PLPPR1: variants seen among roughly 807,000 people sequenced by gnomAD.
The protein encoded by PLPPR1 is phospholipid phosphatase-related protein type 1.
In PLPPR1, 10 loss-of-function variants were observed where a neutral mutation model predicts 33.1. The observed-to-expected ratio is 0.30, with a 90% CI of 0.19 to 0.51. PLPPR1 has a LOEUF of 0.51. Ranked by LOEUF, PLPPR1 falls within the 20% of genes least tolerant of loss-of-function variation. PLPPR1 has a pLI of 0.97. For synonymous variants in PLPPR1, 151 were observed against 151.0 expected (o/e 1.00, Z 0.00); for missense variants, 304 against 408.1 (o/e 0.74, Z 2.20).
At chr9:101,115,606 A>G (rs1831109318) in intron 1 of PLPPR1, among the ~76,000 whole-genome samples, 1 of 152,344 alleles carries the variant, frequency 6.6e-6, no homozygotes, top group East Asian at 1.9e-4. Flanking sequence ...ATATTGCATA[A>G]TAGCCTTTTT....
At chr9:101,210,192 A>T (rs1346470285) in intron 2 of PLPPR1, among the ~76,000 whole-genome samples, 1 of 152,234 alleles carries the variant, frequency 6.6e-6, no homozygotes, top group Non-Finnish European at 1.5e-5. Flanking sequence ...TGTCATAGCA[A>T]AAGTACTTCT....
intron 2 of PLPPR1, among the ~76,000 whole-genome samples, chr9:101,259,201 A>C (rs1439666002): frequency 6.6e-6 from 1 of 152,196 alleles, no homozygotes; most frequent in South Asian, 2.1e-4. Flanking sequence ...TTCTTCAAGG[A>C]GTGGCCAAGT....
At chr9:101,305,566 A>G (rs7864791) in intron 4 of PLPPR1, among the ~76,000 whole-genome samples, 1 of 151,994 alleles carries the variant, frequency 6.6e-6, no homozygotes. Context: ...CACCCCACCA[A>G]CCTCTGCTAA....
At chr9:101,121,704 A>C (rs1304847625) in intron 1 of PLPPR1, among the ~76,000 whole-genome samples, 1 of 152,158 alleles carries the variant, frequency 6.6e-6, no homozygotes, top group Non-Finnish European at 1.5e-5. Context: ...AGAAGGCAAA[A>C]AATAAGTGAT....
chr9:101,083,726 A>T (rs893559956), intron 1 of PLPPR1, among the ~76,000 whole-genome samples: 7 of 152,260 alleles, frequency 4.6e-5, no homozygotes, highest in African/African-American at 1.7e-4. Context: ...AGAAGGCTTG[A>T]TTGAGGAATG....
intron 2 of PLPPR1, among the ~76,000 whole-genome samples, chr9:101,265,337 C>G (rs1449783068): frequency 1.3e-5 from 2 of 152,182 alleles, no homozygotes; most frequent in Non-Finnish European, 2.9e-5. Context: ...CTCCTTACAC[C>G]TTGTTATACT....
At chr9:101,148,418 C>T (rs1411224529) in intron 1 of PLPPR1, among the ~76,000 whole-genome samples, 3 of 152,094 alleles carry the variant, frequency 2.0e-5, no homozygotes, top group East Asian at 1.9e-4. Context: ...AATGTAGATC[C>T]TCCACCACTT....
intron 1 of PLPPR1, among the ~76,000 whole-genome samples, chr9:101,154,374 G>T (rs902406605): frequency 3.9e-5 from 6 of 152,110 alleles, no homozygotes; most frequent in Non-Finnish European, 7.4e-5. Flanking sequence ...ATTAATTATT[G>T]TCTCAATTTC....
At chr9:101,291,407 G>T (rs1463094354) in intron 4 of PLPPR1, among the ~76,000 whole-genome samples, 1 of 152,208 alleles carries the variant, frequency 6.6e-6, no homozygotes, top group Non-Finnish European at 1.5e-5. Context: ...AGACTTAAAT[G>T]TCCCTGTCTG....
chr9:101,092,089 TC>T (rs1342165226), intron 1 of PLPPR1, among the ~76,000 whole-genome samples: 7 of 152,166 alleles, frequency 4.6e-5, no homozygotes, highest in African/African-American at 7.2e-5. Context: ...TTCATCTTCC[TC>T]CAGCACAACA....
intron 1 of PLPPR1, among the ~76,000 whole-genome samples, chr9:101,077,257 T>C (rs768291064): frequency 6.6e-6 from 1 of 152,174 alleles, no homozygotes; most frequent in Non-Finnish European, 1.5e-5. Flanking sequence ...CTAGACAGGA[T>C]TCCTAGGAAT....
chr9:101,035,990 G>A (rs1830005288), intron 1 of PLPPR1, among the ~76,000 whole-genome samples: 1 of 152,128 alleles, frequency 6.6e-6, no homozygotes, highest in Admixed American at 6.5e-5. Flanking sequence ...TGAGGGTGGG[G>A]TGAGAGAAGC....
Position 101,099,048 on chromosome 9 carries a change from T to A in PLPPR1, c.-46+69946T>A, listed in dbSNP as rs1382557737. On this transcript the variant is annotated intron_variant, in intron 1 of 7. Coordinates refer to ENST00000374874, the MANE Select transcript of PLPPR1 (RefSeq NM_207299.2). ...CTTTGACTCTCGGAAAGTCACTCAATCCCTCTAAACCTCAATTTTCTATAA... is the reference window on the plus strand; with the variant it reads ...CTTTGACTCTCGGAAAGTCACTCAAACCCTCTAAACCTCAATTTTCTATAA... Among the ~76,000 whole-genome samples the A allele has an allele frequency of 4.6e-5, 7 of 151,308 alleles. No individual in the cohort carries two copies. In the East Asian group the frequency reaches 1.4e-3, roughly 29 times the overall value.
chr9:101,321,569 G>A lies in PLPPR1; in HGVS notation c.946-2456G>A, dbSNP rs1267419911. On this transcript the variant is annotated intron_variant, in intron 7 of 7. Transcript: ENST00000374874. ...CTTAATTATCCATGTTCTACACCCC[G>A]CCCCACTCACAATGTACATGAGCAA... Among the ~76,000 whole-genome samples the A allele has an allele frequency of 3.9e-5, 6 of 151,926 alleles. No individual in the cohort carries two copies. The East Asian group carries it at 5.8e-4, about 15-fold the overall frequency.
At chr9:101,265,851 C>G (rs1412598843) in intron 2 of PLPPR1, among the ~76,000 whole-genome samples, 2 of 152,112 alleles carry the variant, frequency 1.3e-5, no homozygotes, top group East Asian at 3.9e-4. Flanking sequence ...AAAAAATTAG[C>G]TGGGTGCGGT....
chr9:101,193,878 T>C (rs1261810528), intron 2 of PLPPR1, among the ~76,000 whole-genome samples: 1 of 152,240 alleles, frequency 6.6e-6, no homozygotes, highest in African/African-American at 2.4e-5. Flanking sequence ...GCATAATTAT[T>C]GGTCTCAGAG....
Position 101,157,362 on chromosome 9 carries a change from A to G in PLPPR1, c.-45-28088A>G, listed in dbSNP as rs564258747. 6.6e-5 allele frequency among the ~76,000 whole-genome samples: 10 copies of G among 152,338 alleles called. No homozygotes were observed. The South Asian group carries it at 2.1e-3, about 32-fold the overall frequency. The stretch of plus-strand genomic sequence containing the variant: ...TCTATGAGATTTGAGCTCAAAATCT[A>G]TGAGTTTAGTCTTGGATATATGAAC... On this transcript the variant is annotated intron_variant, in intron 1 of 7. Coordinates refer to ENST00000374874, the MANE Select transcript of PLPPR1 (RefSeq NM_207299.2).
chr9:101,163,799 C>G (rs988135765), intron 1 of PLPPR1, among the ~76,000 whole-genome samples: 5 of 152,074 alleles, frequency 3.3e-5, no homozygotes, highest in African/African-American at 1.2e-4. Flanking sequence ...TTTGGGGGGG[C>G]TAATTTATGT....
At chr9:101,041,392 A>G (rs1312675623) in intron 1 of PLPPR1, among the ~76,000 whole-genome samples, 1 of 152,232 alleles carries the variant, frequency 6.6e-6, no homozygotes, top group African/African-American at 2.4e-5. Context: ...TCTACAACAA[A>G]ATAAGCAAAT....
Sources: gnomAD v4.1 joint callset for allele counts (sites outside exome capture counted in the v4.1 genomes callset) on GRCh38, gnomAD v4.1.1 for gene constraint, MANE v1.5 for transcripts, NCBI Gene and HGNC (gene_info 2026-07-23, HGNC 2026-07-21) for gene names.